The following CBX2 variants were observed in gnomAD, a reference collection of about 807,000 sequenced individuals.
CBX2 encodes chromobox 2, also known as chromobox protein homolog 2.
A neutral mutation model predicts 21.0 loss-of-function variants in CBX2; 11 were observed. The ratio of observed to expected loss-of-function variants is 0.52; its 90% CI spans 0.33 to 0.87. The LOEUF is 0.87. Ranked by LOEUF, CBX2 falls within the 40% of genes least tolerant of loss-of-function variation. The pLI, the probability that CBX2 is intolerant of heterozygous loss-of-function variation, is 0.02. For missense variants in CBX2, 746 were observed against 724.3 expected (o/e 1.03, Z -0.34); for synonymous variants, 364 against 304.6 (o/e 1.19, Z -2.03).
rs1555832245 is a variant in CBX2, at chr17:79,787,169, C to T, written c.*2127C>T. The T allele has an allele frequency of 6.6e-6, 1 of 152,356 alleles. No homozygotes were observed. The highest frequency in any genetic ancestry group is 2.4e-5 in the African/African-American group (1 of 41,466). The allele number at this position is 152,356 out of a possible 1,614,324, so 9.4% of individuals were successfully genotyped here. On this transcript the variant is annotated 3_prime_UTR_variant, in exon 5 of 5. Transcript: ENST00000310942. ...GCACCAGCCTCCCTGTGCTCGACAG[C>T]AAAGTCTTGACTCCTTCCTGCTGAG...
intron 2 of CBX2, 138 bp from the exon 3 acceptor site, chr17:79,779,224 T>G: frequency 1.7e-5 from 14 of 821,528 alleles, no homozygotes; most frequent in Non-Finnish European, 2.9e-5. Flanking sequence ...GTTTGGACTT[T>G]GAGAAGTGCC....
rs1342863902 is a variant in CBX2 at position 79,786,288 on chromosome 17, C to T, written c.*1246C>T. 2 of 152,748 alleles carry T rather than the reference C, an allele frequency of 1.3e-5. No homozygotes were observed. Among genetic ancestry groups the T allele is most frequent in the Non-Finnish European group, 2.9e-5 (2 of 68,074 alleles). The allele number at this position is 152,748 out of a possible 1,614,324, so 9.5% of individuals were successfully genotyped here. A position where few individuals can be genotyped will look rare whatever the true frequency, so the allele number is the denominator to read the frequency against. On this transcript the variant is annotated 3_prime_UTR_variant, in exon 5 of 5. Coordinates refer to ENST00000310942, the MANE Select transcript of CBX2 (RefSeq NM_005189.3). ...CCCTGCCCAAGTGGATGAGGCATTC[C>T]TTGAGGAGTATCATTTTCCCTGACA... is the stretch of plus-strand genomic sequence containing the variant.
Position 79,784,443 on chromosome 17 carries a change from A to G in CBX2, c.1000A>G (p.Ser334Gly), listed in dbSNP as rs782646086. ...TGGPPHTHGASRVPAGCPGPQ... is the reference protein window; with the variant it reads ...TGGPPHTHGAGRVPAGCPGPQ... ...GGGCCCCCCGCACACCCATGGTGCC[A>G]GCAGGGTGCCTGCTGGGTGCCCAGG... Residue 334 changes from serine to glycine, a missense_variant, in exon 5 of 5, where the codon AGC (serine) becomes GGC (glycine). Around this residue, in one of 2 missense-constraint regions of CBX2, gnomAD observed 701 missense variants for 650.7 expected, o/e 1.08. Coordinates refer to ENST00000310942, the MANE Select transcript of CBX2 (RefSeq NM_005189.3). This position sits in a 1 kb window ranked among gnomAD's most constrained non-coding sequence, Gnocchi z 5.9. The G allele has an allele frequency of 6.2e-7, 1 of 1,612,042 alleles. No individual in the cohort carries two copies. The highest frequency in any genetic ancestry group is 8.5e-7 in the Non-Finnish European group (1 of 1,179,602).
chr17:79,784,008 G>T lies in CBX2; in HGVS notation c.565G>T (p.Ala189Ser). 1 of 1,613,300 alleles carries T rather than the reference G, an allele frequency of 6.2e-7. No homozygotes were observed. The highest frequency in any genetic ancestry group is 8.5e-7 in the Non-Finnish European group (1 of 1,180,000). Residue 189 changes from alanine to serine, a missense_variant, in exon 5 of 5, where the codon GCC (alanine) becomes TCC (serine). This residue lies in a region of CBX2 where 701 missense variants were observed against 650.7 expected (regional missense o/e 1.08). Coordinates refer to ENST00000310942, the MANE Select transcript of CBX2 (RefSeq NM_005189.3). This position sits in a 1 kb window ranked among gnomAD's most constrained non-coding sequence, Gnocchi z 5.9. ...GAGCCTGGCCAAGGTGCTGAAGACC[G>T]CCCGGAAGGATCTGGGGGCCCCGGC... ...PVSLAKVLKT[A>S]RKDLGAPASK...
intron 3 of CBX2, among the ~76,000 whole-genome samples, chr17:79,781,129 C>T (rs1371061836): frequency 2.0e-5 from 3 of 152,138 alleles, no homozygotes; most frequent in Admixed American, 6.5e-5. Context: ...CCTCTGTCAT[C>T]TCCCTCAAGA....
At chr17:79,779,592 C>T in intron 3 of CBX2, 165 bp downstream of exon 3, 1 of 649,470 alleles carries the variant, frequency 1.5e-6, no homozygotes, top group Non-Finnish European at 2.8e-6. Context: ...CTGTAAAAGT[C>T]CCCAGCCAGC....
At chr17:79,781,060 G>A (rs1269126516) in intron 3 of CBX2, among the ~76,000 whole-genome samples, 2 of 127,442 alleles carry the variant, frequency 1.6e-5, no homozygotes, top group Non-Finnish European at 3.5e-5. Context: ...TCTTCTGGGG[G>A]CGGGGGGGGT....
rs1555832272 is a variant in CBX2 at position 79,787,254 on chromosome 17, A to G, written c.*2212A>G. ...AACAGCTCTCCAAGCCCTTGGGGTG[A>G]CTCGGCTTCCAGGAGCTGTTGGAGA... On this transcript the variant is annotated 3_prime_UTR_variant, in exon 5 of 5. Coordinates refer to ENST00000310942, the MANE Select transcript of CBX2 (RefSeq NM_005189.3). The G allele has an allele frequency of 6.6e-6, 1 of 152,540 alleles. No individual in the cohort carries two copies. Among genetic ancestry groups the G allele is most frequent in the Admixed American group, 6.5e-5 (1 of 15,282 alleles). 9.4% of individuals were successfully genotyped at this position (152,540 alleles called of 1,614,324 possible). A position where few individuals can be genotyped will look rare whatever the true frequency, so the allele number is the denominator to read the frequency against.
chr17:79,779,505 C>T (rs1907005066), intron 3 of CBX2, 78 bp downstream of exon 3: 1 of 1,336,358 alleles, frequency 7.5e-7, no homozygotes, highest in Admixed American at 1.8e-5. Flanking sequence ...CGCTGCTCGC[C>T]TGCCGGGAGG....
At position 79,784,519 on chromosome 17, in the gene CBX2, A is replaced by T. The variant is rs782370991; in HGVS notation, c.1076A>T (p.Gln359Leu). Reference protein sequence around the residue: ...QELSLQVLDLQSVKNGMPGVG... With the variant: ...QELSLQVLDLLSVKNGMPGVG... ...CTGAGCCTCCAGGTCTTGGACTTGC[A>T]GAGTGTCAAGAATGGCATGCCCGGG... Residue 359 changes from glutamine (Q) to leucine (L), a missense_variant, in exon 5 of 5, where the codon CAG becomes CTG. Gln to Leu is a moderately radical substitution (Grantham distance 113). Around this residue, in one of 2 missense-constraint regions of CBX2, gnomAD observed 701 missense variants for 650.7 expected, o/e 1.08. Transcript: ENST00000310942. The surrounding 1 kb of genome is among the most constrained non-coding windows in gnomAD (Gnocchi z 5.9). 18 of 1,612,512 alleles carry T rather than the reference A, an allele frequency of 1.1e-5. 1 individual carries two copies. The Middle Eastern group carries it at 4.9e-4, about 44-fold the overall frequency.
rs1906907170 is a variant in CBX2 at position 79,778,485 on chromosome 17, T to A, written c.116+58T>A. 1.7e-6 allele frequency: 2 copies of A among 1,211,542 alleles called. No individual in the cohort carries two copies. Among genetic ancestry groups the A allele is most frequent in the Non-Finnish European group, 2.3e-6 (2 of 883,906 alleles). The allele number at this position is 1,211,542 out of a possible 1,614,324, so 75.0% of individuals were successfully genotyped here. A position where few individuals can be genotyped will look rare whatever the true frequency, so the allele number is the denominator to read the frequency against. ...GCCCCCTCGCCCGGGGGTGGGGACG[T>A]GGAGCCCCTCGGCCGCGCCGTCCGG... is the stretch of plus-strand genomic sequence containing the variant. On this transcript the variant is annotated intron_variant, in intron 2 of 4. Coordinates refer to ENST00000310942, the MANE Select transcript of CBX2 (RefSeq NM_005189.3). This position sits in a 1 kb window ranked among gnomAD's most constrained non-coding sequence, Gnocchi z 4.8.
rs1211722422 is a variant in CBX2 at position 79,778,681 on chromosome 17, C to T, written c.116+254C>T. ...CAGAACCTCCTCGGCTGCCGCGCCG[C>T]GCTCCCCCCAACCCCCGTCCCGGCC... On this transcript the variant is annotated intron_variant, in intron 2 of 4. Coordinates refer to ENST00000310942, the MANE Select transcript of CBX2 (RefSeq NM_005189.3). The surrounding 1 kb of genome is among the most constrained non-coding windows in gnomAD (Gnocchi z 4.8). 6.6e-6 allele frequency among the ~76,000 whole-genome samples: 1 copy of T among 152,076 alleles called. No individual in the cohort carries two copies. The highest frequency in any genetic ancestry group is 1.5e-5 in the Non-Finnish European group (1 of 67,964).
chr17:79,781,195 C>T (rs1163478684), intron 3 of CBX2, among the ~76,000 whole-genome samples: 1 of 152,136 alleles, frequency 6.6e-6, no homozygotes, highest in Non-Finnish European at 1.5e-5. Flanking sequence ...GAGTCATGTG[C>T]CAGCAGCCAG....
chr17:79,781,891 A>G (rs782627067), intron 4 of CBX2, 90 bp downstream of exon 4: 1 of 1,614,084 alleles, frequency 6.2e-7, no homozygotes, highest in South Asian at 1.1e-5. Context: ...GGCCCTCAGG[A>G]AGGGGGTGGC....
Position 79,784,586 on chromosome 17 carries a change from C to G in CBX2, c.1143C>G (p.Val381=), listed in dbSNP as rs781965390. ...GCCACGCCACCGCCACCAAGGGTGT[C>G]CCGGCCACCAACCCAGCCCCTGGGA... ...LARHATATKG[V]PATNPAPGKG... The change falls in exon 5 of 5, where the codon GTC becomes GTG. Residue 381 remains valine (V), a synonymous_variant. Coordinates refer to ENST00000310942, the MANE Select transcript of CBX2 (RefSeq NM_005189.3). The surrounding 1 kb of genome is among the most constrained non-coding windows in gnomAD (Gnocchi z 5.9). 3 of 1,612,648 alleles carry G rather than the reference C, an allele frequency of 1.9e-6. No homozygotes were observed. Among genetic ancestry groups the G allele is most frequent in the Middle Eastern group, 1.7e-4 (1 of 6,058 alleles).
In CBX2 at chr17:79,784,699, T is replaced by C. The variant is rs1555831320; in HGVS notation, c.1256T>C (p.Val419Ala). 1 of 1,611,238 alleles carries C rather than the reference T, an allele frequency of 6.2e-7. No homozygotes were observed. Among genetic ancestry groups the C allele is most frequent in the Admixed American group, 1.7e-5 (1 of 59,850 alleles). ...AGTGAGAAGCTGGCTTCCAGAGCAG[T>C]GGCGCCACCCACCCCTGCCAGCAAG... is the stretch of plus-strand genomic sequence containing the variant. The part of the protein sequence containing the change: ...SKSEKLASRA[V>A]APPTPASKRD... Residue 419 changes from valine (V) to alanine (A), a missense_variant, in exon 5 of 5, where the codon GTG (valine) becomes GCG (alanine). Physicochemically the swap from Val to Ala is moderately conservative, Grantham distance 64 (BLOSUM62 0). This residue lies in a region of CBX2 where 701 missense variants were observed against 650.7 expected (regional missense o/e 1.08). Transcript: ENST00000310942. This position sits in a 1 kb window ranked among gnomAD's most constrained non-coding sequence, Gnocchi z 5.9.
Position 79,783,928 on chromosome 17 carries a change from A to G in CBX2, c.485A>G (p.Lys162Arg). ...AKPELKDPIRKKRGRKPLPPE... is the reference protein window; with the variant it reads ...AKPELKDPIRRKRGRKPLPPE... Reference sequence around the variant, plus strand: ...CCCGAGCTGAAGGATCCCATCCGGAAGAAGCGGGGACGAAAGCCCCTGCCC... The same window carrying G: ...CCCGAGCTGAAGGATCCCATCCGGAGGAAGCGGGGACGAAAGCCCCTGCCC... Residue 162 changes from lysine to arginine, a missense_variant, in exon 5 of 5, where the codon AAG (lysine) becomes AGG (arginine). Around this residue, in one of 2 missense-constraint regions of CBX2, gnomAD observed 701 missense variants for 650.7 expected, o/e 1.08. Transcript: ENST00000310942. 6.2e-7 allele frequency: 1 copy of G among 1,614,042 alleles called. No individual in the cohort carries two copies. Among genetic ancestry groups the G allele is most frequent in the Non-Finnish European group, 8.5e-7 (1 of 1,180,026 alleles).
In CBX2 at chr17:79,781,805, G is replaced by A. The variant is rs1177289177; in HGVS notation, c.288+4G>A. 6 of 1,613,944 alleles carry A rather than the reference G, an allele frequency of 3.7e-6. No individual in the cohort carries two copies. The highest frequency in any genetic ancestry group is 3.3e-5 in the Admixed American group (2 of 60,008). ...CAGCCGGCGCTCCAAGCTCAAGGTG[G>A]GTGGCTGCGCTGGGTATGCTGACCC... On this transcript the variant is annotated splice_donor_region_variant and intron_variant, in intron 4 of 4. Coordinates refer to ENST00000310942, the MANE Select transcript of CBX2 (RefSeq NM_005189.3).
chr17:79,786,186 G>C lies in CBX2; in HGVS notation c.*1144G>C, dbSNP rs1907622520. The C allele has an allele frequency of 6.6e-6, 1 of 152,660 alleles. No homozygotes were observed. The highest frequency in any genetic ancestry group is 2.4e-5 in the African/African-American group (1 of 41,476). 9.5% of individuals were successfully genotyped at this position (152,660 alleles called of 1,614,324 possible). A position where few individuals can be genotyped will look rare whatever the true frequency, so the allele number is the denominator to read the frequency against. On this transcript the variant is annotated 3_prime_UTR_variant, in exon 5 of 5. Coordinates refer to ENST00000310942, the MANE Select transcript of CBX2 (RefSeq NM_005189.3). ...AGTGCTGGCACTTGGGTGTCCATGG[G>C]CCCGTCTGCCGGCTCTGCCTGTGCT... is the stretch of plus-strand genomic sequence containing the variant.
Sources: gnomAD v4.1 joint callset for allele counts (sites outside exome capture counted in the v4.1 genomes callset) on GRCh38, gnomAD v4.1.1 for gene constraint, gnomAD v4.1.1 regional missense constraint, Gnocchi (gnomAD v3.1) non-coding constraint, MANE v1.5 for transcripts, NCBI Gene and HGNC (gene_info 2026-07-23, HGNC 2026-07-21) for gene names.